The following ASPH variants were observed in gnomAD, a reference collection of about 807,000 sequenced individuals.
ASPH encodes aspartyl/asparaginyl beta-hydroxylase.
A neutral mutation model predicts 118.4 loss-of-function variants in ASPH; 100 were observed. The ratio of observed to expected loss-of-function variants is 0.84; its 90% CI spans 0.72 to 1.00. The LOEUF is 1.00. ASPH is among the 50% of genes least tolerant of loss of function. The pLI is 0.00. For synonymous variants in ASPH, 315 were observed against 325.6 expected (o/e 0.97, Z 0.35); for missense variants, 920 against 919.5 (o/e 1.00, Z -0.01).
intron 21 of ASPH, among the ~76,000 whole-genome samples, chr8:61,537,081 G>A (rs1009087204): frequency 6.6e-6 from 1 of 152,192 alleles, no homozygotes; most frequent in South Asian, 2.1e-4. Context: ...CAACCAGCCT[G>A]AGGGCTTCAA....
At chr8:61,638,878 C>T (rs372437641) in intron 10 of ASPH, among the ~76,000 whole-genome samples, 11 of 152,350 alleles carry the variant, frequency 7.2e-5, no homozygotes, top group African/African-American at 2.6e-4. Flanking sequence ...CATCTCCACA[C>T]AGGCCTCTCC....
chr8:61,640,976 T>C (rs1804845454), intron 10 of ASPH, among the ~76,000 whole-genome samples: 2 of 152,216 alleles, frequency 1.3e-5, no homozygotes, highest in Non-Finnish European at 2.9e-5. Flanking sequence ...ACTTACAGCT[T>C]CACTTACATG....
intron 22 of ASPH, 54 bp from the exon 23 acceptor site, chr8:61,518,177 T>C: frequency 4.6e-6 from 7 of 1,520,364 alleles, no homozygotes; most frequent in Non-Finnish European, 6.4e-6. Flanking sequence ...CTTAAACTTA[T>C]CCCATTTAGA....
intron 1 of ASPH, chr8:61,684,734 T>C (rs1471029904): frequency 2.0e-5 from 3 of 152,274 alleles, no homozygotes; most frequent in East Asian, 1.9e-4. Context: ...AAAAGGCTCA[T>C]TCACAATTGG....
At chr8:61,680,471 C>A (rs1399760714) in intron 3 of ASPH, 1 of 151,666 alleles carries the variant, frequency 6.6e-6, no homozygotes, top group Admixed American at 6.6e-5. Context: ...GACACTGGGT[C>A]AAAAGACCAG....
chr8:61,620,591 T>C (rs1015495563), intron 13 of ASPH, among the ~76,000 whole-genome samples: 1 of 152,172 alleles, frequency 6.6e-6, no homozygotes, highest in Non-Finnish European at 1.5e-5. Context: ...AACTAGACTA[T>C]TCAATACCAT....
intron 14 of ASPH, among the ~76,000 whole-genome samples, chr8:61,603,053 T>G (rs1437253906): frequency 6.6e-6 from 1 of 150,788 alleles, no homozygotes; most frequent in Non-Finnish European, 1.5e-5. Context: ...ATTAGCCAGG[T>G]ATGGTGGTCA....
intron 9 of ASPH, 136 bp downstream of exon 9, chr8:61,643,250 A>G (rs1806151831): frequency 2.4e-6 from 2 of 833,402 alleles, no homozygotes; most frequent in Non-Finnish European, 3.6e-6. Context: ...ACTTTGTTAT[A>G]AAACAAAATC....
intron 16 of ASPH, among the ~76,000 whole-genome samples, chr8:61,573,076 G>A (rs1479890900): frequency 2.0e-5 from 3 of 151,994 alleles, no homozygotes; most frequent in Non-Finnish European, 4.4e-5. Context: ...TAATAGACAA[G>A]CAGAGAGCCA....
chr8:61,637,511 C>G (rs1469269388), intron 12 of ASPH, among the ~76,000 whole-genome samples: 2 of 151,992 alleles, frequency 1.3e-5, no homozygotes, highest in Non-Finnish European at 2.9e-5. Context: ...TTTTCAGAAA[C>G]CATCCCTTCA....
chr8:61,590,905 G>T (rs529544493), intron 14 of ASPH, among the ~76,000 whole-genome samples: 23 of 151,986 alleles, frequency 1.5e-4, no homozygotes, highest in Admixed American at 4.6e-4. Context: ...CAAGTTTAAG[G>T]CATCTTTAGG....
chr8:61,568,141 A>G (rs1005839502), intron 16 of ASPH, among the ~76,000 whole-genome samples: 2 of 152,138 alleles, frequency 1.3e-5, no homozygotes, highest in East Asian at 1.9e-4. Flanking sequence ...CGGGAAGACA[A>G]TGGGGGCTTT....
At chr8:61,628,179 A>T (rs751490902) in intron 13 of ASPH, among the ~76,000 whole-genome samples, 4 of 151,818 alleles carry the variant, frequency 2.6e-5, no homozygotes, top group Non-Finnish European at 5.9e-5. Context: ...TTATTTTTTG[A>T]GACAGGGTCT....
chr8:61,552,828 AG>A (rs1242509214), intron 20 of ASPH, among the ~76,000 whole-genome samples: 1 of 152,220 alleles, frequency 6.6e-6, no homozygotes, highest in Non-Finnish European at 1.5e-5. Flanking sequence ...AAACTATAAA[AG>A]CCAAATCCCA....
At chr8:61,664,051 T>A in intron 3 of ASPH, 1 of 959,738 alleles carries the variant, frequency 1.0e-6, no homozygotes, top group Non-Finnish European at 1.2e-6. Flanking sequence ...AGGTTAACAT[T>A]AAGAGAATCA....
intron 12 of ASPH, among the ~76,000 whole-genome samples, chr8:61,635,318 A>G (rs1857248111): frequency 6.6e-6 from 1 of 152,120 alleles, no homozygotes; most frequent in South Asian, 2.1e-4. Flanking sequence ...AGTCCTGGGC[A>G]TGCCTCTTTA....
intron 1 of ASPH, among the ~76,000 whole-genome samples, chr8:61,689,508 A>G (rs1203471516): frequency 1.3e-5 from 2 of 152,160 alleles, no homozygotes. Context: ...TGAAATATTC[A>G]GCTACTATGA....
intron 21 of ASPH, among the ~76,000 whole-genome samples, chr8:61,531,000 G>A (rs1262248109): frequency 6.6e-6 from 1 of 152,050 alleles, no homozygotes; most frequent in Non-Finnish European, 1.5e-5. Flanking sequence ...TCATATCAGT[G>A]CAAATTCACA....
intron 3 of ASPH, chr8:61,659,213 G>C (rs1342223084): frequency 2.0e-5 from 3 of 152,234 alleles, no homozygotes; most frequent in African/African-American, 7.2e-5. Context: ...CATTTCACTG[G>C]AGGGATTGCA....
Sources: gnomAD v4.1 joint callset for allele counts (sites outside exome capture counted in the v4.1 genomes callset) on GRCh38, gnomAD v4.1.1 for gene constraint, MANE v1.5 for transcripts, NCBI Gene and HGNC (gene_info 2026-07-23, HGNC 2026-07-21) for gene names.